Variants in COBL observed in about 807,000 individuals in gnomAD.
COBL encodes the protein protein cordon-bleu.
COBL carries 51 observed loss-of-function variants against 98.8 expected under a neutral mutation model. The observed-to-expected ratio is 0.52, with a 90% confidence interval of 0.41 to 0.65. The LOEUF is 0.65. Among genes scored for constraint, COBL ranks in the 30% least tolerant of loss-of-function variants. The probability of loss-of-function intolerance (pLI) is 0.00; values close to 1 mark genes in which losing one functional copy is unlikely to be tolerated. For synonymous variants in COBL, 634 were observed against 651.7 expected, an observed-to-expected ratio of 0.97 and a Z score of 0.41; for missense variants, 1,617 against 1,617.5, an observed-to-expected ratio of 1.00 and a Z score of 0.01.
intron 9 of COBL, among the ~76,000 whole-genome samples, 161 bp downstream of exon 9, chr7:51,030,651 C>T (rs1788043950): frequency 6.6e-6 from 1 of 152,170 alleles, no homozygotes; most frequent in South Asian, 2.1e-4. Context: ...TACCGGAAAC[C>T]TGTGTGCGCC....
At chr7:51,170,520 T>C (rs1371890204) in intron 5 of COBL, among the ~76,000 whole-genome samples, 1 of 147,000 alleles carries the variant, frequency 6.8e-6, no homozygotes, top group Non-Finnish European at 1.5e-5. Context: ...TATATATATA[T>C]ATATATATAT....
intron 2 of COBL, among the ~76,000 whole-genome samples, chr7:51,197,150 A>G (rs1219249010): frequency 6.6e-6 from 1 of 152,078 alleles, no homozygotes; most frequent in Admixed American, 6.6e-5. Context: ...TTTTTGATGT[A>G]GGCATTTGCT....
chr7:51,089,409 G>A (rs555406905), intron 6 of COBL, among the ~76,000 whole-genome samples: 84 of 152,214 alleles, frequency 5.5e-4, no homozygotes, highest in African/African-American at 2.0e-3. Context: ...CAGCTACTCG[G>A]GAAGCTGAGG....
chr7:51,203,868 C>T (rs749437350), intron 2 of COBL, among the ~76,000 whole-genome samples: 1 of 152,074 alleles, frequency 6.6e-6, no homozygotes, highest in Non-Finnish European at 1.5e-5. Flanking sequence ...TATTTCCAAA[C>T]AAATTTTATG....
chr7:51,219,554 C>A (rs1793414575), intron 2 of COBL, among the ~76,000 whole-genome samples, 187 bp downstream of exon 2: 1 of 152,162 alleles, frequency 6.6e-6, no homozygotes, highest in South Asian at 2.1e-4. Context: ...TAGCATAAGC[C>A]CACCCCAGGT....
intron 1 of COBL, among the ~76,000 whole-genome samples, chr7:51,265,758 T>C (rs990269902): frequency 6.6e-6 from 1 of 152,178 alleles, no homozygotes; most frequent in Non-Finnish European, 1.5e-5. Context: ...GCCCCGGCTC[T>C]CAGGCTTCTA....
rs533396383 is a variant in COBL at position 51,208,081 on chromosome 7, C to T, written c.245+11660G>A. On this transcript the variant is annotated intron_variant, in intron 2 of 12. Coordinates refer to ENST00000265136, the MANE Select transcript of COBL (RefSeq NM_015198.5). ...GATGTGGGGAGCGCCTCTGCCCCGC[C>T]GCCCCGTCTGGAATGTGAGGAGCGC... 9.1e-3 allele frequency among the ~76,000 whole-genome samples: 1,371 copies of T among 150,450 alleles called. 19 individuals are homozygous for T. Among genetic ancestry groups the T allele is most frequent in the African/African-American group, 0.032 (1,293 of 40,854 alleles).
intron 7 of COBL, among the ~76,000 whole-genome samples, chr7:51,053,138 A>G (rs1275267987): frequency 6.6e-6 from 1 of 152,238 alleles, no homozygotes; most frequent in African/African-American, 2.4e-5. Flanking sequence ...AAATAGCATT[A>G]ATTAACATAT....
Position 51,026,650 on chromosome 7 carries a change from C to A in COBL, c.3400G>T (p.Gly1134Trp). 1 of 1,613,982 alleles carries A rather than the reference C, an allele frequency of 6.2e-7. No individual in the cohort carries two copies. Among genetic ancestry groups the A allele is most frequent in the Non-Finnish European group, 8.5e-7 (1 of 1,179,986 alleles). ...GACAGTTTCGCTGGCCTGCCCTCCC[C>A]GGTGTGTTCTGCCGTCTAGAATATT... ...DRLRKTAEHT[G>W]EGRPAKLSYT... The change falls in exon 11 of 13, where the codon GGG (glycine) becomes TGG (tryptophan). Residue 1134 changes from glycine to tryptophan, a missense_variant. Physicochemically the swap from Gly to Trp is radical, Grantham distance 184. Coordinates refer to ENST00000265136, the MANE Select transcript of COBL (RefSeq NM_015198.5).
chr7:51,078,549 C>T (rs539207315), intron 7 of COBL, among the ~76,000 whole-genome samples: 1 of 152,234 alleles, frequency 6.6e-6, no homozygotes, highest in Admixed American at 6.5e-5. Context: ...ATGGGTTTCA[C>T]TTACTTGAAA....
At chr7:51,059,348 A>T (rs1015454926) in intron 7 of COBL, among the ~76,000 whole-genome samples, 15 of 152,170 alleles carry the variant, frequency 9.9e-5, no homozygotes, top group African/African-American at 3.6e-4. Context: ...AACTGCTTTC[A>T]TTATCTATTG....
intron 1 of COBL, among the ~76,000 whole-genome samples, chr7:51,222,257 C>T (rs991622774): frequency 3.3e-5 from 5 of 151,958 alleles, no homozygotes; most frequent in African/African-American, 1.2e-4. Context: ...GGTATAAATT[C>T]TCTTTTTCTT....
At chr7:51,210,923 C>G (rs1446008879) in intron 2 of COBL, among the ~76,000 whole-genome samples, 1 of 152,188 alleles carries the variant, frequency 6.6e-6, no homozygotes, top group African/African-American at 2.4e-5. Flanking sequence ...GAGAGGCCAC[C>G]CTTGGGACAA....
At chr7:51,120,430 A>G (rs145062865) in intron 6 of COBL, among the ~76,000 whole-genome samples, 15 of 152,350 alleles carry the variant, frequency 9.8e-5, no homozygotes, top group Admixed American at 2.6e-4. Flanking sequence ...ACTTAAGGTT[A>G]TACCTTTTAA....
intron 7 of COBL, among the ~76,000 whole-genome samples, chr7:51,054,797 C>T (rs1259420411): frequency 2.0e-5 from 3 of 152,240 alleles, no homozygotes; most frequent in Non-Finnish European, 2.9e-5. Flanking sequence ...AAAACCCAGC[C>T]TTTCAAGATG....
At chr7:51,057,637 TACAC>T (rs1265390628) in intron 7 of COBL, among the ~76,000 whole-genome samples, 2 of 152,164 alleles carry the variant, frequency 1.3e-5, no homozygotes, top group African/African-American at 4.8e-5. Context: ...GTCAACAGAC[TACAC>T]AGCCAGCAAA....
intron 9 of COBL, 80 bp from the exon 10 acceptor site, chr7:51,029,671 C>A: frequency 8.2e-7 from 1 of 1,218,418 alleles, no homozygotes; most frequent in East Asian, 2.4e-5. Context: ...ACTTTGATTT[C>A]CCTGAGGTTA....
intron 7 of COBL, among the ~76,000 whole-genome samples, chr7:51,045,126 CCT>C (rs1273016456): frequency 1.2e-4 from 18 of 152,164 alleles, no homozygotes; most frequent in Admixed American, 1.1e-3. Context: ...GCTGTAGCTC[CCT>C]GTTTCCCATC....
At chr7:51,176,510 C>G (rs1418898857) in intron 5 of COBL, among the ~76,000 whole-genome samples, 1 of 152,048 alleles carries the variant, frequency 6.6e-6, no homozygotes, top group Non-Finnish European at 1.5e-5. Context: ...CTTCTTAAAC[C>G]CCTGCTAACC....
Sources: allele counts gnomAD v4.1 joint callset (sites outside exome capture counted in the v4.1 genomes callset), GRCh38; gene constraint gnomAD v4.1.1; transcripts MANE v1.5; gene names NCBI Gene and HGNC (gene_info 2026-07-23, HGNC 2026-07-21).